The following AP1G1 variants were observed in gnomAD, a reference collection of about 807,000 sequenced individuals.
The protein encoded by AP1G1 is AP-1 complex subunit gamma-1.
Under a neutral mutation model 108.3 loss-of-function variants are expected in AP1G1, and 7 were observed. The ratio of observed to expected loss-of-function variants is 0.06; its 90% CI spans 0.04 to 0.12. The LOEUF is 0.12. Among genes scored for constraint, AP1G1 ranks in the 10% least tolerant of loss-of-function variants. The pLI, the probability that AP1G1 is intolerant of heterozygous loss-of-function variation, is 1.00. For missense variants in AP1G1, 756 were observed against 1,010.7 expected, an observed-to-expected ratio of 0.75 and a Z score of 3.42; for synonymous variants, 379 against 353.5, an observed-to-expected ratio of 1.07 and a Z score of -0.81.
At chr16:71,790,594 A>G (rs1452535368) in intron 1 of AP1G1, among the ~76,000 whole-genome samples, 4 of 152,076 alleles carry the variant, frequency 2.6e-5, no homozygotes, top group African/African-American at 4.8e-5. Flanking sequence ...AAATATACAC[A>G]AGTGATTTTT....
intron 6 of AP1G1, among the ~76,000 whole-genome samples, chr16:71,769,088 G>A (rs1017154082): frequency 1.3e-5 from 2 of 149,570 alleles, no homozygotes; most frequent in African/African-American, 2.5e-5. Flanking sequence ...TTCAAGACCA[G>A]CTTGGCCAAC....
intron 9 of AP1G1, among the ~76,000 whole-genome samples, chr16:71,763,945 G>A (rs1203422755): frequency 6.6e-6 from 1 of 152,114 alleles, no homozygotes; most frequent in African/African-American, 2.4e-5. Flanking sequence ...ATCCTCTGGT[G>A]GATACTAAAA....
intron 1 of AP1G1, among the ~76,000 whole-genome samples, chr16:71,794,934 C>T (rs2032534241): frequency 7.2e-6 from 1 of 139,640 alleles, no homozygotes; most frequent in Non-Finnish European, 1.5e-5. Context: ...GCCTTGTTCA[C>T]TCTTGTATCC....
chr16:71,789,493 A>T lies in AP1G1; in HGVS notation c.-3-11T>A. ...GGGGGCTGGCATCCTCTGGATATGG[A>T]AAGACATTAAATAGAGATGTTCACA... On this transcript the variant is annotated splice_polypyrimidine_tract_variant and intron_variant, in intron 1 of 22. Transcript: ENST00000299980. 1.2e-6 allele frequency: 2 copies of T among 1,612,668 alleles called. No individual in the cohort carries two copies. The highest frequency in any genetic ancestry group is 8.5e-7 in the Non-Finnish European group (1 of 1,178,842).
Position 71,749,999 on chromosome 16 carries a change from T to A in AP1G1, c.1408-16A>T. Reference sequence around the variant, plus strand: ...CCAAAGGTTGCTGTGAAAAGAAAAGTCAACGTTTCTCAAGAACTTCAATTT... The same window carrying A: ...CCAAAGGTTGCTGTGAAAAGAAAAGACAACGTTTCTCAAGAACTTCAATTT... On this transcript the variant is annotated splice_polypyrimidine_tract_variant and intron_variant, in intron 14 of 22. Transcript: ENST00000299980. 6.3e-7 allele frequency: 1 copy of A among 1,594,852 alleles called. No individual in the cohort carries two copies. Among genetic ancestry groups the A allele is most frequent in the Non-Finnish European group, 8.6e-7 (1 of 1,162,936 alleles).
rs778342185 is a variant in AP1G1 at position 71,745,666 on chromosome 16, C to G, written c.1731-52G>C. ...CTAGGCAGTTAACCTAGATTCCCTA[C>G]CCAAAATAATCACCATTAACTATGT... is the stretch of plus-strand genomic sequence containing the variant. On this transcript the variant is annotated intron_variant, in intron 17 of 22. Transcript: ENST00000299980. The G allele has an allele frequency of 6.0e-6, 9 of 1,499,146 alleles. No individual in the cohort carries two copies. In the South Asian group the frequency reaches 1.0e-4, roughly 17 times the overall value. The allele number at this position is 1,499,146 out of a possible 1,614,324, so 92.9% of individuals were successfully genotyped here.
At chr16:71,808,022 G>A (rs937806842) in intron 1 of AP1G1, 7 of 1,201,958 alleles carry the variant, frequency 5.8e-6, no homozygotes, top group South Asian at 1.5e-5. Flanking sequence ...TACCCTGAGC[G>A]AGTGGTTCGA....
At chr16:71,785,176 T>C (rs996264253) in intron 2 of AP1G1, among the ~76,000 whole-genome samples, 8 of 151,412 alleles carry the variant, frequency 5.3e-5, no homozygotes, top group Non-Finnish European at 1.2e-4. Context: ...ATAGCTAAAC[T>C]AAAAAGAAAA....
chr16:71,756,699 T>G (rs1207304168), intron 11 of AP1G1, among the ~76,000 whole-genome samples: 4 of 152,182 alleles, frequency 2.6e-5, no homozygotes, highest in African/African-American at 9.7e-5. Context: ...CTCACCACTT[T>G]GGGAGGCCAA....
At chr16:71,753,051 T>C (rs997798770) in intron 13 of AP1G1, among the ~76,000 whole-genome samples, 17 of 152,332 alleles carry the variant, frequency 1.1e-4, no homozygotes, top group African/African-American at 4.1e-4. Context: ...GTTCCCCTTT[T>C]TGTTATTCAA....
At chr16:71,764,313 C>T in intron 9 of AP1G1, 37 bp downstream of exon 9, 1 of 1,311,656 alleles carries the variant, frequency 7.6e-7, no homozygotes, top group Non-Finnish European at 1.1e-6. Context: ...CTAAGTGAAA[C>T]ATTTAGGGGG....
rs752030465 is a variant in AP1G1, at chr16:71,758,934, GT to G, written c.975-14del. The G allele has an allele frequency of 1.4e-6, 2 of 1,469,588 alleles. No homozygotes were observed. Among genetic ancestry groups the G allele is most frequent in the Non-Finnish European group, 1.9e-6 (2 of 1,068,126 alleles). The allele number at this position is 1,469,588 out of a possible 1,614,324, so 91.0% of individuals were successfully genotyped here. On this transcript the variant is annotated splice_polypyrimidine_tract_variant and intron_variant, in intron 10 of 22. Coordinates refer to ENST00000299980, the MANE Select transcript of AP1G1 (RefSeq NM_001128.6). ...CAGAGCCACATATCTGGATGAAACA[GT>G]TGCAAAATAACAGAGTTAAAATGTA...
chr16:71,790,821 A>C (rs1290334800), intron 1 of AP1G1, among the ~76,000 whole-genome samples: 1 of 152,254 alleles, frequency 6.6e-6, no homozygotes, highest in Non-Finnish European at 1.5e-5. Flanking sequence ...CAAACAGGTT[A>C]AACAGAGAGA....
chr16:71,768,877 CA>C (rs1426143279), intron 6 of AP1G1, among the ~76,000 whole-genome samples: 1 of 132,968 alleles, frequency 7.5e-6, no homozygotes, highest in Non-Finnish European at 1.5e-5. Flanking sequence ...AAGATCGCGC[CA>C]CTGCACTCCA....
At chr16:71,771,276 C>G (rs1039959106) in intron 4 of AP1G1, 24 bp from the exon 5 acceptor site, 11 of 1,388,930 alleles carry the variant, frequency 7.9e-6, no homozygotes, top group Admixed American at 2.3e-5. Flanking sequence ...AATAAAAGAA[C>G]AAAAGGTTTA....
At chr16:71,783,376 G>T (rs1407642620) in intron 2 of AP1G1, among the ~76,000 whole-genome samples, 1 of 151,868 alleles carries the variant, frequency 6.6e-6, no homozygotes. Flanking sequence ...TGGCAAAGTA[G>T]ATAAATATTA....
chr16:71,803,416 G>GA (rs2032879064), intron 1 of AP1G1, among the ~76,000 whole-genome samples: 1 of 151,666 alleles, frequency 6.6e-6, no homozygotes, highest in Non-Finnish European at 1.5e-5. Flanking sequence ...AGTACCTAGT[G>GA]AAAAAAAGCA....
intron 10 of AP1G1, 94 bp from the exon 11 acceptor site, chr16:71,759,015 A>T: frequency 1.0e-5 from 7 of 688,604 alleles, no homozygotes; most frequent in Non-Finnish European, 1.7e-5. Flanking sequence ...CGTCTAATGG[A>T]TAAGAGAAAG....
chr16:71,807,604 G>A (rs148735868), intron 1 of AP1G1, among the ~76,000 whole-genome samples: 1 of 152,258 alleles, frequency 6.6e-6, no homozygotes, highest in East Asian at 1.9e-4. Flanking sequence ...TCTAGGGAAC[G>A]GTGGAAGTGA....
Sources: gnomAD v4.1 joint callset for allele counts (sites outside exome capture counted in the v4.1 genomes callset) on GRCh38, gnomAD v4.1.1 for gene constraint, MANE v1.5 for transcripts, NCBI Gene and HGNC (gene_info 2026-07-23, HGNC 2026-07-21) for gene names.